The following CCDC88A variants were observed in gnomAD, a reference collection of about 807,000 sequenced individuals.
CCDC88A encodes the protein coiled-coil and HOOK domain protein 88A, also known as girdin.
Under a neutral mutation model 234.3 loss-of-function variants are expected in CCDC88A, and 54 were observed. That is an observed-to-expected ratio of 0.23 (90% CI 0.19 to 0.29). CCDC88A has a LOEUF of 0.29. CCDC88A is among the 10% of genes least tolerant of loss of function. The pLI, the probability that CCDC88A is intolerant of heterozygous loss-of-function variation, is 1.00. For synonymous variants in CCDC88A, 753 were observed against 737.8 expected, an observed-to-expected ratio of 1.02 and a Z score of -0.33; for missense variants, 1,832 against 2,123.4, an observed-to-expected ratio of 0.86 and a Z score of 2.70.
At chr2:55,398,697 A>T (rs1382876201) in intron 2 of CCDC88A, among the ~76,000 whole-genome samples, 3 of 151,676 alleles carry the variant, frequency 2.0e-5, no homozygotes, top group Non-Finnish European at 3.0e-5. Context: ...AGGATTGTGT[A>T]AGCCCAGGAG....
intron 3 of CCDC88A, chr2:55,388,436 C>CAA (rs1676061736): frequency 1.3e-5 from 1 of 78,176 alleles, no homozygotes; most frequent in Non-Finnish European, 3.0e-5. Context: ...GCATCCAATT[C>CAA]AGGTTTTTTT....
chr2:55,325,696 G>A (rs1031242395), intron 17 of CCDC88A, among the ~76,000 whole-genome samples: 1 of 152,132 alleles, frequency 6.6e-6, no homozygotes, highest in Non-Finnish European at 1.5e-5. Flanking sequence ...TCCAATTATT[G>A]AGAGATGAGT....
At chr2:55,414,245 T>C (rs184247830) in intron 2 of CCDC88A, among the ~76,000 whole-genome samples, 2 of 152,316 alleles carry the variant, frequency 1.3e-5, no homozygotes, top group East Asian at 3.9e-4. Flanking sequence ...TTTAAAATTT[T>C]AGGAGTATGA....
intron 2 of CCDC88A, chr2:55,418,481 C>A (rs991169002): frequency 3.4e-5 from 9 of 262,452 alleles, no homozygotes; most frequent in African/African-American, 1.7e-4. Context: ...GTCTTTTTTC[C>A]TCTCTTAGGA....
chr2:55,409,413 T>C (rs535563070), intron 2 of CCDC88A, among the ~76,000 whole-genome samples: 216 of 152,332 alleles, frequency 1.4e-3, no homozygotes, highest in Admixed American at 2.9e-3. Flanking sequence ...CACTTCCCTT[T>C]CTGTGCGAAC....
chr2:55,332,534 T>A lies in CCDC88A; in HGVS notation c.2855+32A>T, dbSNP rs78886872. 1 of 1,582,308 alleles carries A rather than the reference T, an allele frequency of 6.3e-7. No homozygotes were observed. The highest frequency in any genetic ancestry group is 1.2e-5 in the South Asian group (1 of 85,184). On this transcript the variant is annotated intron_variant, in intron 16 of 32. Coordinates refer to ENST00000436346, the MANE Select transcript of CCDC88A (RefSeq NM_001365480.1). This position sits in a 1 kb window ranked among gnomAD's most constrained non-coding sequence, Gnocchi z 4.5. ...TATGAGCAAAAAAAAAAAAAAATTT[T>A]CAACTGTTTGCCAAGTAGACTTAGT...
chr2:55,311,152 AG>A (rs1424562143), intron 23 of CCDC88A, among the ~76,000 whole-genome samples: 4 of 152,214 alleles, frequency 2.6e-5, no homozygotes, highest in Admixed American at 6.5e-5. Context: ...AAATGCCAAA[AG>A]TTTTATATAT....
intron 8 of CCDC88A, among the ~76,000 whole-genome samples, chr2:55,352,981 T>C (rs917109156): frequency 1.3e-5 from 2 of 152,154 alleles, no homozygotes; most frequent in African/African-American, 4.8e-5. Flanking sequence ...TTTTTAATAA[T>C]AGAAGAAATC....
chr2:55,415,970 A>C (rs1440815506), intron 2 of CCDC88A, among the ~76,000 whole-genome samples: 2 of 152,096 alleles, frequency 1.3e-5, no homozygotes, highest in East Asian at 1.9e-4. Context: ...AACAAGCTAA[A>C]ATTTCAAATG....
chr2:55,312,450 C>G lies in CCDC88A; in HGVS notation c.4063G>C (p.Glu1355Gln). 6.2e-7 allele frequency: 1 copy of G among 1,611,676 alleles called. No homozygotes were observed. The highest frequency in any genetic ancestry group is 8.5e-7 in the Non-Finnish European group (1 of 1,179,064). The change falls in exon 23 of 33, where the codon GAA becomes CAA. Residue 1355 changes from glutamate (E) to glutamine (Q), a missense_variant. Around this residue, in one of 6 missense-constraint regions of CCDC88A, gnomAD observed 1,282 missense variants for 1,543.6 expected, o/e 0.83. Coordinates refer to ENST00000436346, the MANE Select transcript of CCDC88A (RefSeq NM_001365480.1). ...NMESKDLFHV[E>Q]QRQYIDKLNE... Reference sequence around the variant, plus strand: ...GGTACCTACATGTACTGTCTTTGTTCAACATGAAAAAGATCCTTGCTTTCC... The same window carrying G: ...GGTACCTACATGTACTGTCTTTGTTGAACATGAAAAAGATCCTTGCTTTCC...
At chr2:55,399,609 C>T (rs1678260508) in intron 2 of CCDC88A, 1 of 151,308 alleles carries the variant, frequency 6.6e-6, no homozygotes. Flanking sequence ...TTGTTTGTCA[C>T]TGTGAACCTT....
chr2:55,333,924 T>G (rs1315122590), intron 15 of CCDC88A, among the ~76,000 whole-genome samples, 170 bp downstream of exon 15: 3 of 152,112 alleles, frequency 2.0e-5, no homozygotes, highest in African/African-American at 7.2e-5. Context: ...AGGTATTTCT[T>G]AGTTTAACAA....
intron 5 of CCDC88A, among the ~76,000 whole-genome samples, chr2:55,371,833 C>A (rs781250340): frequency 1.2e-4 from 18 of 152,040 alleles, no homozygotes; most frequent in Non-Finnish European, 1.8e-4. Context: ...GCAAGTGTCC[C>A]AATTTCGATA....
rs994697687 is a variant in CCDC88A at position 55,319,013 on chromosome 2, A to G, written c.3163-9T>C. 1 of 1,608,254 alleles carries G rather than the reference A, an allele frequency of 6.2e-7. No homozygotes were observed. The highest frequency in any genetic ancestry group is 8.5e-7 in the Non-Finnish European group (1 of 1,176,472). On this transcript the variant is annotated splice_polypyrimidine_tract_variant and intron_variant, in intron 18 of 32. Transcript: ENST00000436346. ...GCTTGCAGTGTAGCATTCTTGAAAAACAAAAACCAAAACCAAACATATTAA... is the reference window on the plus strand; with the variant it reads ...GCTTGCAGTGTAGCATTCTTGAAAAGCAAAAACCAAAACCAAACATATTAA...
chr2:55,332,248 A>G lies in CCDC88A; in HGVS notation c.2855+318T>C, dbSNP rs1056777861. On this transcript the variant is annotated intron_variant, in intron 16 of 32. Coordinates refer to ENST00000436346, the MANE Select transcript of CCDC88A (RefSeq NM_001365480.1). The surrounding 1 kb of genome is among the most constrained non-coding windows in gnomAD (Gnocchi z 4.5). ...ATTCTCCTGCCTCAGCGTCCTGAGT[A>G]GCTGGAATTACAGGCATGCACCACC... 1 of 159,354 alleles carries G rather than the reference A, an allele frequency of 6.3e-6. No individual in the cohort carries two copies. The highest frequency in any genetic ancestry group is 2.4e-5 in the African/African-American group (1 of 41,524). 9.9% of individuals were successfully genotyped at this position (159,354 alleles called of 1,614,324 possible).
At chr2:55,371,294 T>A (rs997699619) in intron 5 of CCDC88A, among the ~76,000 whole-genome samples, 1 of 152,198 alleles carries the variant, frequency 6.6e-6, no homozygotes, top group Non-Finnish European at 1.5e-5. Flanking sequence ...TTACACAGCA[T>A]GAAATTTTAA....
At chr2:55,391,713 T>C (rs1392754267) in intron 2 of CCDC88A, among the ~76,000 whole-genome samples, 1 of 151,934 alleles carries the variant, frequency 6.6e-6, no homozygotes, top group African/African-American at 2.4e-5. Flanking sequence ...ATAAAAACAG[T>C]CCAAAGAAGC....
chr2:55,331,037 T>A (rs2104676750), intron 16 of CCDC88A, among the ~76,000 whole-genome samples: 1 of 152,342 alleles, frequency 6.6e-6, no homozygotes, highest in East Asian at 1.9e-4. Flanking sequence ...CTGTATGAAT[T>A]AAGGTTTGGG....
At chr2:55,300,088 T>C (rs150663848) in intron 28 of CCDC88A, 169 bp from the exon 29 acceptor site, 11 of 574,622 alleles carry the variant, frequency 1.9e-5, no homozygotes, top group East Asian at 1.8e-4. Flanking sequence ...TGAGACACTT[T>C]AGAATAGGAC....
Sources: gnomAD v4.1 joint callset for allele counts (sites outside exome capture counted in the v4.1 genomes callset) on GRCh38, gnomAD v4.1.1 for gene constraint, gnomAD v4.1.1 regional missense constraint, Gnocchi (gnomAD v3.1) non-coding constraint, MANE v1.5 for transcripts, NCBI Gene and HGNC (gene_info 2026-07-23, HGNC 2026-07-21) for gene names.